Variants in GNAI1 observed in about 807,000 individuals in gnomAD.
GNAI1 encodes G protein subunit alpha i1, also known as guanine nucleotide-binding protein G(i) subunit alpha-1.
In GNAI1, 11 loss-of-function variants were observed where a neutral mutation model predicts 38.9. The ratio of observed to expected loss-of-function variants is 0.28; its 90% CI spans 0.18 to 0.47. The LOEUF (loss-of-function observed/expected upper bound fraction) is 0.47, where lower values mean the gene tolerates loss of function less well. GNAI1 is among the 20% of genes least tolerant of loss of function. The probability of loss-of-function intolerance (pLI) is 0.99; values close to 1 mark genes in which losing one functional copy is unlikely to be tolerated. For missense variants in GNAI1, 317 were observed against 436.9 expected (o/e 0.73, Z 2.45); for synonymous variants, 166 against 145.1 (o/e 1.14, Z -1.04).
chr7:80,188,263 A>G (rs1788422769), intron 1 of GNAI1, among the ~76,000 whole-genome samples: 1 of 152,180 alleles, frequency 6.6e-6, no homozygotes, highest in South Asian at 2.1e-4. Context: ...CCTATTTCAC[A>G]AGAGCCACAG....
chr7:80,214,215 A>G (rs1788922248), intron 7 of GNAI1, among the ~76,000 whole-genome samples: 1 of 152,196 alleles, frequency 6.6e-6, no homozygotes, highest in Non-Finnish European at 1.5e-5. Context: ...TCACACATTT[A>G]CTTACTTTAA....
In GNAI1 at chr7:80,220,496, A is replaced by G. The variant is rs1789052987; in HGVS notation, c.*3003A>G. Among the ~76,000 whole-genome samples the G allele has an allele frequency of 6.6e-6, 1 of 152,186 alleles. No individual in the cohort carries two copies. The highest frequency in any genetic ancestry group is 6.6e-5 in the Admixed American group (1 of 15,266). On this transcript the variant is annotated 3_prime_UTR_variant, in exon 8 of 8. Transcript: ENST00000649796. ...CTTACTTCTCCGTCTCTAGGCTTAG[A>G]CCTGACCAATCCGAGTCCTCCAGCA...
chr7:80,202,380 G>A (rs547777008), intron 4 of GNAI1, among the ~76,000 whole-genome samples: 2 of 152,130 alleles, frequency 1.3e-5, no homozygotes, highest in Non-Finnish European at 2.9e-5. Flanking sequence ...CAGCCACCAC[G>A]CCTGGCGAAC....
At chr7:80,207,502 A>G (rs1406532941) in intron 5 of GNAI1, among the ~76,000 whole-genome samples, 4 of 152,072 alleles carry the variant, frequency 2.6e-5, no homozygotes, top group Non-Finnish European at 5.9e-5. Flanking sequence ...TTGGTGACTT[A>G]AAGATAAACA....
intron 1 of GNAI1, among the ~76,000 whole-genome samples, chr7:80,162,985 G>T (rs995061234): frequency 6.6e-6 from 1 of 152,142 alleles, no homozygotes; most frequent in East Asian, 1.9e-4. Flanking sequence ...AAAATAATTT[G>T]TAAAACTGGG....
intron 1 of GNAI1, among the ~76,000 whole-genome samples, chr7:80,160,736 A>C (rs953327043): frequency 6.6e-6 from 1 of 152,204 alleles, no homozygotes; most frequent in African/African-American, 2.4e-5. Flanking sequence ...TCAGACCATT[A>C]TAAAAATCTG....
intron 1 of GNAI1, among the ~76,000 whole-genome samples, chr7:80,155,010 A>T (rs1271309432): frequency 1.3e-5 from 2 of 152,226 alleles, no homozygotes; most frequent in Admixed American, 1.3e-4. Flanking sequence ...CTATTCAGAA[A>T]AAAATAAAAT....
At chr7:80,159,986 C>A (rs1025832337) in intron 1 of GNAI1, among the ~76,000 whole-genome samples, 15 of 152,140 alleles carry the variant, frequency 9.9e-5, no homozygotes, top group Non-Finnish European at 1.9e-4. Context: ...GTTGACCTCT[C>A]TGAGTTGGTT....
rs1342034759 is a variant in GNAI1 at position 80,224,602 on chromosome 7, C to T, written c.*7109C>T. Among the ~76,000 whole-genome samples the T allele has an allele frequency of 1.3e-5, 2 of 152,194 alleles. No homozygotes were observed. Among genetic ancestry groups the T allele is most frequent in the Non-Finnish European group, 2.9e-5 (2 of 68,044 alleles). The stretch of plus-strand genomic sequence containing the variant: ...GCCTGAACAGATGTTAATAAGTATG[C>T]ATGATGCACATTAGCATGTCAATGG... On this transcript the variant is annotated 3_prime_UTR_variant, in exon 8 of 8. Transcript: ENST00000649796.
chr7:80,214,924 AT>A (rs2115719488), intron 7 of GNAI1, among the ~76,000 whole-genome samples: 1 of 152,156 alleles, frequency 6.6e-6, no homozygotes, highest in South Asian at 2.1e-4. Context: ...GGAGCCTTAG[AT>A]TTACATTAGC....
At position 80,221,915 on chromosome 7, in the gene GNAI1, C is replaced by T. The variant is rs1789085792; in HGVS notation, c.*4422C>T. 6.6e-6 allele frequency among the ~76,000 whole-genome samples: 1 copy of T among 152,138 alleles called. No individual in the cohort carries two copies. Among genetic ancestry groups the T allele is most frequent in the East Asian group, 1.9e-4 (1 of 5,184 alleles). On this transcript the variant is annotated 3_prime_UTR_variant, in exon 8 of 8. Coordinates refer to ENST00000649796, the MANE Select transcript of GNAI1 (RefSeq NM_002069.6). Reference sequence around the variant, plus strand: ...TCGGCCTCCCAAAGTGCTGGGATTACAGACGTGAGCCACTGCGCCCAGCCA... The same window carrying T: ...TCGGCCTCCCAAAGTGCTGGGATTATAGACGTGAGCCACTGCGCCCAGCCA...
chr7:80,158,176 GTTC>G (rs1445845589), intron 1 of GNAI1, among the ~76,000 whole-genome samples: 4 of 152,230 alleles, frequency 2.6e-5, no homozygotes, highest in Middle Eastern at 6.8e-3. Flanking sequence ...CTCCAACTTT[GTTC>G]TTCTCCTTCA....
rs35141470 is a variant in GNAI1, at chr7:80,152,558, CTT to C, written c.118+17301_118+17302del. Among the ~76,000 whole-genome samples the C allele has an allele frequency of 9.3e-4, 96 of 103,006 alleles. No individual in the cohort carries two copies. In the South Asian group the frequency reaches 0.012, roughly 13 times the overall value. 67.6% of individuals were successfully genotyped at this position (103,006 alleles called of 152,430 possible). Reference sequence around the variant, plus strand: ...TCTGGGGGTAGATTCGGTCTCAATTCTTTTTTTTTTTTTTTTTTTTTTGAAAC... The same window carrying C: ...TCTGGGGGTAGATTCGGTCTCAATTCTTTTTTTTTTTTTTTTTTTTGAAAC... On this transcript the variant is annotated intron_variant, in intron 1 of 7. Coordinates refer to ENST00000649796, the MANE Select transcript of GNAI1 (RefSeq NM_002069.6).
intron 5 of GNAI1, among the ~76,000 whole-genome samples, chr7:80,210,337 G>A (rs1788851470): frequency 2.0e-5 from 3 of 151,986 alleles, no homozygotes; most frequent in Admixed American, 2.0e-4. Flanking sequence ...CCATTCAGTA[G>A]GATCCCTCAT....
At chr7:80,171,413 G>T (rs1788096265) in intron 1 of GNAI1, among the ~76,000 whole-genome samples, 1 of 152,138 alleles carries the variant, frequency 6.6e-6, no homozygotes, top group African/African-American at 2.4e-5. Context: ...GTCTGGCAAA[G>T]ACAGCTGACG....
chr7:80,217,239 T>TATGTCTGAAACTGAAG, intron 7 of GNAI1, 64 bp from the exon 8 acceptor site: 1 of 1,053,114 alleles, frequency 9.5e-7, no homozygotes, highest in Non-Finnish European at 1.4e-6. Flanking sequence ...TGAAACTGAA[T>TATGTCTGAAACTGAAG]TCAGTATTTT....
intron 5 of GNAI1, among the ~76,000 whole-genome samples, chr7:80,210,584 CT>C (rs1166574558): frequency 2.0e-5 from 3 of 152,124 alleles, no homozygotes; most frequent in Admixed American, 2.0e-4. Flanking sequence ...AATATTTACT[CT>C]TTGATCTCTG....
intron 1 of GNAI1, among the ~76,000 whole-genome samples, chr7:80,174,469 A>G (rs1452691921): frequency 7.5e-6 from 1 of 133,238 alleles, no homozygotes; most frequent in Non-Finnish European, 1.6e-5. Flanking sequence ...TTTTTTTTTT[A>G]GAATATTGGT....
intron 1 of GNAI1, among the ~76,000 whole-genome samples, chr7:80,140,822 G>T (rs1787512817): frequency 6.6e-6 from 1 of 152,176 alleles, no homozygotes; most frequent in Non-Finnish European, 1.5e-5. Context: ...AGTCCAAAAA[G>T]GGTTTCCACT....
Sources: gnomAD v4.1 joint callset for allele counts (sites outside exome capture counted in the v4.1 genomes callset) on GRCh38, gnomAD v4.1.1 for gene constraint, MANE v1.5 for transcripts, NCBI Gene and HGNC (gene_info 2026-07-23, HGNC 2026-07-21) for gene names.